The following TERF1 variants were observed in gnomAD, a reference collection of about 807,000 sequenced individuals.
TERF1 encodes the protein telomeric repeat-binding factor 1.
Under a neutral mutation model 55.1 loss-of-function variants are expected in TERF1, and 20 were observed. That is an observed-to-expected ratio of 0.36 (90% CI 0.26 to 0.53). TERF1 has a LOEUF of 0.53. Among genes scored for constraint, TERF1 ranks in the 20% least tolerant of loss-of-function variants. TERF1 has a pLI of 0.91. For synonymous variants in TERF1, 168 were observed against 181.2 expected (o/e 0.93, Z 0.59); for missense variants, 439 against 535.7 (o/e 0.82, Z 1.78).
intron 6 of TERF1, among the ~76,000 whole-genome samples, chr8:73,028,356 G>C (rs778215886): frequency 6.6e-6 from 1 of 151,962 alleles, no homozygotes; most frequent in Non-Finnish European, 1.5e-5. Flanking sequence ...TGCTCTCCAA[G>C]TATTAGGAAC....
intron 8 of TERF1, among the ~76,000 whole-genome samples, chr8:73,032,381 G>A (rs1208194533): frequency 6.6e-6 from 1 of 152,124 alleles, no homozygotes; most frequent in Non-Finnish European, 1.5e-5. Flanking sequence ...GCAACTTCAA[G>A]TATAGTCATA....
At chr8:73,009,940 C>T (rs1036765765) in intron 1 of TERF1, 1 of 152,028 alleles carries the variant, frequency 6.6e-6, no homozygotes, top group East Asian at 1.9e-4. Context: ...CAGCTCACTG[C>T]AGGCTCGACC....
chr8:73,025,721 C>T (rs1365467879), intron 5 of TERF1, among the ~76,000 whole-genome samples: 1 of 138,572 alleles, frequency 7.2e-6, no homozygotes, highest in African/African-American at 2.7e-5. Context: ...TGCGCCACTG[C>T]ACTCCAGCCT....
chr8:73,036,139 C>G (rs1025813941), intron 8 of TERF1, among the ~76,000 whole-genome samples: 1 of 152,244 alleles, frequency 6.6e-6, no homozygotes, highest in Admixed American at 6.5e-5. Flanking sequence ...GAGGAAAACT[C>G]AGAGCCAAGG....
At chr8:73,037,619 T>G (rs1269466761) in intron 8 of TERF1, among the ~76,000 whole-genome samples, 2 of 99,866 alleles carry the variant, frequency 2.0e-5, no homozygotes, top group Admixed American at 3.6e-4. Flanking sequence ...ATTATATATA[T>G]TATATATTAT....
intron 4 of TERF1, among the ~76,000 whole-genome samples, chr8:73,023,709 A>G (rs1193440677): frequency 6.6e-6 from 1 of 152,218 alleles, no homozygotes; most frequent in Admixed American, 6.5e-5. Context: ...ACTAGTATTA[A>G]TGTTGCCTCA....
At chr8:73,041,368 C>A (rs1323166460) in intron 9 of TERF1, among the ~76,000 whole-genome samples, 2 of 152,054 alleles carry the variant, frequency 1.3e-5, no homozygotes, top group African/African-American at 4.8e-5. Context: ...ATCTGAGGGA[C>A]CTCTTTCAAC....
At chr8:73,042,556 A>T (rs1251279976) in intron 9 of TERF1, among the ~76,000 whole-genome samples, 4 of 152,280 alleles carry the variant, frequency 2.6e-5, no homozygotes, top group African/African-American at 9.6e-5. Flanking sequence ...CTTCCTCATC[A>T]GAATTAAAGA....
Position 73,026,963 on chromosome 8 carries a change from C to G in TERF1, c.798C>G (p.Ser266Arg). Residue 266 changes from serine to arginine, a missense_variant, in exon 6 of 10, where the codon AGC becomes AGG. Physicochemically the swap from Ser to Arg is moderately radical, Grantham distance 110 (BLOSUM62 -1). Coordinates refer to ENST00000276603, the MANE Select transcript of TERF1 (RefSeq NM_017489.3). ...AGGCAGCGGCAAAAGTAGTAGAAAG[C>G]AAAAGGACAAGAACAATAACTTCTC... ...LMKAAAKVVE[S>R]KRTRTITSQD... 1 of 1,611,464 alleles carries G rather than the reference C, an allele frequency of 6.2e-7. No individual in the cohort carries two copies. Among genetic ancestry groups the G allele is most frequent in the Non-Finnish European group, 8.5e-7 (1 of 1,179,650 alleles).
chr8:73,028,275 A>G lies in TERF1; in HGVS notation c.887+1223A>G, dbSNP rs56247637. Among the ~76,000 whole-genome samples the G allele has an allele frequency of 8.5e-5, 13 of 152,282 alleles. No individual in the cohort carries two copies. In the East Asian group the frequency reaches 1.5e-3, roughly 18 times the overall value. On this transcript the variant is annotated intron_variant, in intron 6 of 9. Coordinates refer to ENST00000276603, the MANE Select transcript of TERF1 (RefSeq NM_017489.3). ...CACAAACACAGTGCAATCCATGTGTACCAAACAGAACTCTTCATGTTCTCA... is the reference window on the plus strand; with the variant it reads ...CACAAACACAGTGCAATCCATGTGTGCCAAACAGAACTCTTCATGTTCTCA...
At chr8:73,036,976 ATTTG>A (rs1428605404) in intron 8 of TERF1, among the ~76,000 whole-genome samples, 2 of 140,504 alleles carry the variant, frequency 1.4e-5, no homozygotes, top group African/African-American at 2.6e-5. Flanking sequence ...TTTTTTAAAG[ATTTG>A]TTTAATGGCC....
Position 73,008,897 on chromosome 8 carries a change from A to G in TERF1, c.11A>G (p.Asp4Gly). The G allele has an allele frequency of 1.2e-6, 2 of 1,606,122 alleles. No individual in the cohort carries two copies. Among genetic ancestry groups the G allele is most frequent in the Non-Finnish European group, 1.7e-6 (2 of 1,176,932 alleles). The change falls in exon 1 of 10, where the codon GAT (aspartate) becomes GGT (glycine). Residue 4 changes from aspartate to glycine, a missense_variant. Physicochemically the swap from Asp to Gly is moderately conservative, Grantham distance 94. Transcript: ENST00000276603. ...AGCGAGCCATTTAACATGGCGGAGG[A>G]TGTTTCCTCAGCGGCCCCGAGCCCG... Reference protein sequence around the residue: MAEDVSSAAPSPRG... With the variant: MAEGVSSAAPSPRG...
At chr8:73,017,480 A>G (rs983369600) in intron 2 of TERF1, among the ~76,000 whole-genome samples, 2 of 151,962 alleles carry the variant, frequency 1.3e-5, no homozygotes, top group Non-Finnish European at 2.9e-5. Context: ...CCTCTTTCTT[A>G]CCTTATGCTG....
chr8:73,017,403 T>C (rs1231572053), intron 2 of TERF1, among the ~76,000 whole-genome samples: 1 of 152,216 alleles, frequency 6.6e-6, no homozygotes, highest in Non-Finnish European at 1.5e-5. Flanking sequence ...CAGATCTTAC[T>C]GTATAAAACA....
At chr8:73,030,154 T>C (rs1001914393) in intron 6 of TERF1, 182 bp from the exon 7 acceptor site, 3 of 405,802 alleles carry the variant, frequency 7.4e-6, no homozygotes, top group African/African-American at 4.1e-5. Context: ...ATACCTCTTA[T>C]AAGCATGTCT....
Position 73,045,947 on chromosome 8 carries a change from CT to C in TERF1, c.1144-9del, listed in dbSNP as rs1810012980. The C allele has an allele frequency of 6.6e-7, 1 of 1,510,776 alleles. No homozygotes were observed. The highest frequency in any genetic ancestry group is 1.4e-5 in the African/African-American group (1 of 70,238). The allele number at this position is 1,510,776 out of a possible 1,614,324, so 93.6% of individuals were successfully genotyped here. ...ATTGTTTCTGTAAATAACTGTTTTACTTTTTATCAAAAGGCATGGCTTTGGG... is the reference window on the plus strand; with the variant it reads ...ATTGTTTCTGTAAATAACTGTTTTACTTTTATCAAAAGGCATGGCTTTGGG... On this transcript the variant is annotated splice_polypyrimidine_tract_variant and intron_variant, in intron 9 of 9. Coordinates refer to ENST00000276603, the MANE Select transcript of TERF1 (RefSeq NM_017489.3).
At chr8:73,028,176 A>G (rs1342962563) in intron 6 of TERF1, among the ~76,000 whole-genome samples, 1 of 152,158 alleles carries the variant, frequency 6.6e-6, no homozygotes, top group East Asian at 1.9e-4. Flanking sequence ...TGGTTCTTAC[A>G]GATAATCATG....
At chr8:73,023,093 G>C (rs968795216) in intron 4 of TERF1, among the ~76,000 whole-genome samples, 1 of 152,080 alleles carries the variant, frequency 6.6e-6, no homozygotes, top group African/African-American at 2.4e-5. Context: ...TATGTGTTCA[G>C]TACAGGTGTA....
chr8:73,009,339 C>G (rs1230401861), intron 1 of TERF1, 134 bp downstream of exon 1: 1 of 806,470 alleles, frequency 1.2e-6, no homozygotes, highest in Admixed American at 3.1e-5. Context: ...GTCCGAGGCT[C>G]CGGGCTGAAC....
Sources: allele counts gnomAD v4.1 joint callset (sites outside exome capture counted in the v4.1 genomes callset), GRCh38; gene constraint gnomAD v4.1.1; transcripts MANE v1.5; gene names NCBI Gene and HGNC (gene_info 2026-07-23, HGNC 2026-07-21).